NKAIN2: variants seen among roughly 807,000 people sequenced by gnomAD.
NKAIN2 encodes sodium/potassium transporting ATPase interacting 2, also known as sodium/potassium-transporting ATPase subunit beta-1-interacting protein 2.
In NKAIN2, 14 loss-of-function variants were observed where a neutral mutation model predicts 32.6. That is an observed-to-expected ratio of 0.43 (90% confidence interval 0.28 to 0.67). The LOEUF is 0.67. Among genes scored for constraint, NKAIN2 ranks in the 30% least tolerant of loss-of-function variants. The pLI, the probability that NKAIN2 is intolerant of heterozygous loss-of-function variation, is 0.17. For synonymous variants in NKAIN2, 80 were observed against 87.2 expected (o/e 0.92, Z 0.46); for missense variants, 198 against 258.3 (o/e 0.77, Z 1.60).
intron 3 of NKAIN2, among the ~76,000 whole-genome samples, chr6:124,425,791 AAG>A (rs1774957052): frequency 6.6e-6 from 1 of 152,150 alleles, no homozygotes; most frequent in African/African-American, 2.4e-5. Flanking sequence ...TATTACCAAA[AAG>A]AGAAAAAATA....
At chr6:124,634,554 C>A (rs972603327) in intron 3 of NKAIN2, among the ~76,000 whole-genome samples, 27 of 150,980 alleles carry the variant, frequency 1.8e-4, no homozygotes, top group African/African-American at 3.7e-4. Context: ...GTCACACACA[C>A]AAAAAAAGAA....
intron 1 of NKAIN2, among the ~76,000 whole-genome samples, chr6:123,988,201 A>G (rs1035434221): frequency 1.8e-4 from 28 of 152,200 alleles, no homozygotes; most frequent in African/African-American, 6.8e-4. Context: ...CCTTTTGCAT[A>G]TGACTTTTGT....
chr6:124,260,006 G>T (rs1029976737), intron 1 of NKAIN2, among the ~76,000 whole-genome samples: 1 of 152,096 alleles, frequency 6.6e-6, no homozygotes, highest in Non-Finnish European at 1.5e-5. Context: ...TGAAGATAAT[G>T]AACTCAATGA....
intron 1 of NKAIN2, among the ~76,000 whole-genome samples, chr6:124,071,571 A>G (rs1397018316): frequency 2.0e-5 from 3 of 152,182 alleles, no homozygotes; most frequent in African/African-American, 4.8e-5. Context: ...TTCACAAACT[A>G]TGCACTCAAC....
At chr6:124,242,283 A>G (rs1793147278) in intron 1 of NKAIN2, among the ~76,000 whole-genome samples, 1 of 152,182 alleles carries the variant, frequency 6.6e-6, no homozygotes, top group East Asian at 1.9e-4. Flanking sequence ...GCCAACAAAC[A>G]TATGAAAAGA....
At chr6:124,641,995 G>A (rs747631864) in intron 3 of NKAIN2, among the ~76,000 whole-genome samples, 1 of 152,094 alleles carries the variant, frequency 6.6e-6, no homozygotes, top group Admixed American at 6.6e-5. Flanking sequence ...CCAAGAGCTG[G>A]AGTTAACCCT....
At chr6:123,831,250 T>C in intron 1 of NKAIN2, among the ~76,000 whole-genome samples, 1 of 151,992 alleles carries the variant, frequency 6.6e-6, no homozygotes, top group Non-Finnish European at 1.5e-5. Flanking sequence ...GGCAATTGCA[T>C]TTCCTAACTA....
intron 4 of NKAIN2, among the ~76,000 whole-genome samples, chr6:124,738,671 T>C (rs1777063981): frequency 1.3e-5 from 2 of 151,878 alleles, no homozygotes; most frequent in South Asian, 4.1e-4. Flanking sequence ...TGTAACCTCT[T>C]TTCACCTAGA....
At chr6:124,683,938 A>G (rs982043771) in intron 4 of NKAIN2, among the ~76,000 whole-genome samples, 5 of 152,158 alleles carry the variant, frequency 3.3e-5, no homozygotes, top group Non-Finnish European at 7.3e-5. Flanking sequence ...TCTAAAGGAG[A>G]ACAGGTTCTT....
chr6:124,302,251 G>C (rs1178854034), intron 2 of NKAIN2, among the ~76,000 whole-genome samples: 2 of 152,232 alleles, frequency 1.3e-5, no homozygotes, highest in Non-Finnish European at 2.9e-5. Context: ...ATGTGAAACT[G>C]TGAGTCAGTT....
At chr6:124,510,113 A>G (rs1327378389) in intron 3 of NKAIN2, among the ~76,000 whole-genome samples, 1 of 151,702 alleles carries the variant, frequency 6.6e-6, no homozygotes, top group Non-Finnish European at 1.5e-5. Flanking sequence ...AATAATTACC[A>G]TGATTTTTGA....
intron 1 of NKAIN2, among the ~76,000 whole-genome samples, chr6:124,256,447 CAG>C (rs1285603547): frequency 5.3e-5 from 8 of 152,074 alleles, no homozygotes. Context: ...ACCCAGGAAA[CAG>C]ATGTAAACTG....
chr6:123,936,030 C>T (rs1192177242), intron 1 of NKAIN2, among the ~76,000 whole-genome samples: 2 of 152,184 alleles, frequency 1.3e-5, no homozygotes, highest in Non-Finnish European at 2.9e-5. Context: ...CCTAGTGTGA[C>T]AGTGACAACC....
chr6:123,931,812 T>A (rs1776264451), intron 1 of NKAIN2, among the ~76,000 whole-genome samples: 1 of 152,102 alleles, frequency 6.6e-6, no homozygotes, highest in Non-Finnish European at 1.5e-5. Flanking sequence ...TCACCTCTCT[T>A]CTATATTACT....
chr6:123,952,154 A>G (rs1582832415), intron 1 of NKAIN2, among the ~76,000 whole-genome samples: 1 of 152,036 alleles, frequency 6.6e-6, no homozygotes, highest in East Asian at 1.9e-4. Flanking sequence ...TTTATGATGT[A>G]TACATTTGCA....
chr6:124,309,404 A>G (rs1046590063), intron 2 of NKAIN2, among the ~76,000 whole-genome samples: 3 of 152,118 alleles, frequency 2.0e-5, no homozygotes, highest in African/African-American at 7.2e-5. Flanking sequence ...TAGCAGGTCT[A>G]TATCTGAAAT....
chr6:124,105,931 G>A (rs888799831), intron 1 of NKAIN2, among the ~76,000 whole-genome samples: 3 of 152,074 alleles, frequency 2.0e-5, no homozygotes, highest in Non-Finnish European at 4.4e-5. Context: ...TATGAGGAAG[G>A]TGCTTTTTTA....
chr6:124,128,619 G>T lies in NKAIN2; in HGVS notation c.55-154386G>T, dbSNP rs565643881. Among the ~76,000 whole-genome samples, 7 of 152,288 alleles carry T rather than the reference G, an allele frequency of 4.6e-5. No individual in the cohort carries two copies. In the South Asian group the frequency reaches 1.5e-3, roughly 32 times the overall value. On this transcript the variant is annotated intron_variant, in intron 1 of 6. Transcript: ENST00000368417. ...GTAGAGAGAGGTTTAGCATAGGAAG[G>T]AAATAGCAAGGTTGGGATTTAAACC...
chr6:124,626,479 C>T (rs1783350175), intron 3 of NKAIN2, among the ~76,000 whole-genome samples: 1 of 152,076 alleles, frequency 6.6e-6, no homozygotes, highest in Admixed American at 6.6e-5. Context: ...GGCCAAAATG[C>T]AGCATTCACA....
Sources: allele counts gnomAD v4.1 joint callset (sites outside exome capture counted in the v4.1 genomes callset), GRCh38; gene constraint gnomAD v4.1.1; transcripts MANE v1.5; gene names NCBI Gene and HGNC (gene_info 2026-07-23, HGNC 2026-07-21).